RAP1GAP2: variants seen among roughly 807,000 people sequenced by gnomAD.
RAP1GAP2 encodes the protein RAP1 GTPase activating protein 2.
Under a neutral mutation model 95.0 loss-of-function variants are expected in RAP1GAP2, and 27 were observed. The observed-to-expected ratio is 0.28, with a 90% CI of 0.21 to 0.39. The LOEUF (loss-of-function observed/expected upper bound fraction) is 0.39. Among genes scored for constraint, RAP1GAP2 ranks in the 10% least tolerant of loss-of-function variants. The pLI, the probability that RAP1GAP2 is intolerant of heterozygous loss-of-function variation, is 1.00. For missense variants in RAP1GAP2, 771 were observed against 970.0 expected (o/e 0.79, Z 2.72); for synonymous variants, 373 against 380.9 (o/e 0.98, Z 0.24).
intron 4 of RAP1GAP2, among the ~76,000 whole-genome samples, chr17:2,959,164 C>T (rs2044222621): frequency 6.6e-6 from 1 of 152,150 alleles, no homozygotes; most frequent in African/African-American, 2.4e-5. Flanking sequence ...CCGGTTGCTC[C>T]TCAGATCCTC....
intron 2 of RAP1GAP2, among the ~76,000 whole-genome samples, chr17:2,813,159 C>T (rs541061009): frequency 6.6e-6 from 1 of 151,528 alleles, no homozygotes; most frequent in South Asian, 2.1e-4. Flanking sequence ...GCAACCTCCG[C>T]CTCCCAGGTT....
intron 2 of RAP1GAP2, among the ~76,000 whole-genome samples, chr17:2,859,926 A>C (rs1597454630): frequency 6.9e-6 from 1 of 144,556 alleles, no homozygotes; most frequent in African/African-American, 2.5e-5. Context: ...TTTGTTGTTG[A>C]TTGTTTGTTT....
At position 2,847,403 on chromosome 17, in the gene RAP1GAP2, AC is replaced by A. The variant is rs1426384561; in HGVS notation, c.80+46854del. Among the ~76,000 whole-genome samples, 11 of 151,008 alleles carry A rather than the reference AC, an allele frequency of 7.3e-5. No homozygotes were observed. The Admixed American group carries it at 7.4e-4, about 10-fold the overall frequency. On this transcript the variant is annotated intron_variant, in intron 2 of 24. Coordinates refer to ENST00000254695, the MANE Select transcript of RAP1GAP2 (RefSeq NM_015085.5). ...TAACTAACAGCAAGCAAGGAAGCAAACAAAAAGTCTTGCTACCCAAAGCCCT... is the reference window on the plus strand; with the variant it reads ...TAACTAACAGCAAGCAAGGAAGCAAAAAAAAGTCTTGCTACCCAAAGCCCT...
chr17:2,757,708 C>T (rs538500074), intron 1 of RAP1GAP2, among the ~76,000 whole-genome samples: 2 of 152,082 alleles, frequency 1.3e-5, no homozygotes, highest in African/African-American at 2.4e-5. Flanking sequence ...AGTAGGACCA[C>T]CCCAGCACCC....
chr17:2,785,895 A>AT (rs1469518292), intron 1 of RAP1GAP2, among the ~76,000 whole-genome samples: 1 of 118,530 alleles, frequency 8.4e-6, no homozygotes, highest in African/African-American at 3.2e-5. Context: ...AGTAAAAAGT[A>AT]TGACTTTTTT....
chr17:2,991,464 T>C, intron 12 of RAP1GAP2, 67 bp downstream of exon 12: 2 of 1,247,756 alleles, frequency 1.6e-6, no homozygotes, highest in Non-Finnish European at 2.3e-6. Flanking sequence ...GCAAGACAGC[T>C]CAGTCCTCAG....
intron 3 of RAP1GAP2, among the ~76,000 whole-genome samples, chr17:2,924,341 A>G (rs1185521378): frequency 6.6e-6 from 1 of 152,146 alleles, no homozygotes; most frequent in Non-Finnish European, 1.5e-5. Flanking sequence ...AGCAGAGCCC[A>G]TCCCGGGAGC....
chr17:3,026,517 A>C, intron 21 of RAP1GAP2, 53 bp downstream of exon 21: 1 of 1,365,704 alleles, frequency 7.3e-7, no homozygotes, highest in Non-Finnish European at 1.0e-6. Flanking sequence ...TCAGCCAGCC[A>C]CCCTCCTTGC....
At chr17:2,791,426 A>G (rs1269521778) in intron 1 of RAP1GAP2, among the ~76,000 whole-genome samples, 1 of 152,050 alleles carries the variant, frequency 6.6e-6, no homozygotes, top group Non-Finnish European at 1.5e-5. Context: ...TGCTCTTTCC[A>G]TCTTCATTAT....
At chr17:2,758,014 T>A (rs7215621) in intron 1 of RAP1GAP2, among the ~76,000 whole-genome samples, 2 of 151,746 alleles carry the variant, frequency 1.3e-5, no homozygotes, top group African/African-American at 4.8e-5. Flanking sequence ...GGACTACAGG[T>A]GCCCGCCACC....
At position 2,855,309 on chromosome 17, in the gene RAP1GAP2, C is replaced by T. The variant is rs2072086784; in HGVS notation, c.81-49975C>T. 6.6e-6 allele frequency among the ~76,000 whole-genome samples: 1 copy of T among 152,230 alleles called. No homozygotes were observed. Among genetic ancestry groups the T allele is most frequent in the Admixed American group, 6.5e-5 (1 of 15,282 alleles). ...AGAAAGTTCTTCCCTTTTCAGTTCT[C>T]TGCGAATCCTTGTGATTTCTTTGAG... On this transcript the variant is annotated intron_variant, in intron 2 of 24. Transcript: ENST00000254695. This position sits in a 1 kb window ranked among gnomAD's most constrained non-coding sequence, Gnocchi z 4.3.
chr17:2,998,130 G>C, intron 13 of RAP1GAP2, 91 bp from the exon 14 acceptor site: 2 of 1,374,868 alleles, frequency 1.5e-6, no homozygotes, highest in Non-Finnish European at 2.0e-6. Context: ...CAGTTTTCCT[G>C]TGTGCAAAGG....
intron 3 of RAP1GAP2, among the ~76,000 whole-genome samples, chr17:2,929,322 G>T (rs2043065958): frequency 2.0e-5 from 3 of 152,210 alleles, no homozygotes; most frequent in Admixed American, 2.0e-4. Flanking sequence ...AGGGGGCAGG[G>T]CCTGTGGAGG....
intron 16 of RAP1GAP2, among the ~76,000 whole-genome samples, chr17:3,007,296 G>A (rs532417424): frequency 6.6e-6 from 1 of 152,266 alleles, no homozygotes; most frequent in East Asian, 1.9e-4. Context: ...TATGCCAGAG[G>A]GATTGCTCTG....
chr17:3,030,210 C>T (rs543918424), intron 22 of RAP1GAP2, among the ~76,000 whole-genome samples: 219 of 121,718 alleles, frequency 1.8e-3, no homozygotes, highest in South Asian at 7.4e-3. Context: ...ACTCTCATGG[C>T]GCCCGGCCAT....
At chr17:2,969,095 G>T (rs1371382831) in intron 8 of RAP1GAP2, among the ~76,000 whole-genome samples, 4 of 151,766 alleles carry the variant, frequency 2.6e-5, no homozygotes, top group African/African-American at 9.7e-5. Context: ...CACATCACTT[G>T]ACATATCAAT....
chr17:2,897,869 C>T (rs1474258744), intron 2 of RAP1GAP2, among the ~76,000 whole-genome samples: 1 of 151,568 alleles, frequency 6.6e-6, no homozygotes, highest in Non-Finnish European at 1.5e-5. Flanking sequence ...CATCCGTGAA[C>T]CCTGGGATTG....
rs910322090 is a variant in RAP1GAP2, at chr17:2,963,487, C to T, written c.279+25C>T. 30 of 1,613,618 alleles carry T rather than the reference C, an allele frequency of 1.9e-5. No homozygotes were observed. The highest frequency in any genetic ancestry group is 2.4e-5 in the Non-Finnish European group (28 of 1,179,710). On this transcript the variant is annotated intron_variant, in intron 6 of 24. Transcript: ENST00000254695. The surrounding 1 kb of genome is among the most constrained non-coding windows in gnomAD (Gnocchi z 4.8). ...GGTAGGTGCCCTCCCCTCACTCCCA[C>T]CTGCCCTGCAGCCTGCTCTGGGTCC...
chr17:2,904,335 C>T lies in RAP1GAP2; in HGVS notation c.81-949C>T, dbSNP rs372727258. On this transcript the variant is annotated intron_variant, in intron 2 of 24. Coordinates refer to ENST00000254695, the MANE Select transcript of RAP1GAP2 (RefSeq NM_015085.5). This position sits in a 1 kb window ranked among gnomAD's most constrained non-coding sequence, Gnocchi z 4.7. ...TGATGGGACCGCACACAGCACTCCC[C>T]GGTCACCAGCGAGGGCCAGATGGAA... 7.2e-5 allele frequency among the ~76,000 whole-genome samples: 11 copies of T among 152,116 alleles called. No individual in the cohort carries two copies. Among genetic ancestry groups the T allele is most frequent in the African/African-American group, 1.9e-4 (8 of 41,430 alleles).
Sources: allele counts gnomAD v4.1 joint callset (sites outside exome capture counted in the v4.1 genomes callset), GRCh38; gene constraint gnomAD v4.1.1; non-coding constraint Gnocchi (gnomAD v3.1); transcripts MANE v1.5; gene names NCBI Gene and HGNC (gene_info 2026-07-23, HGNC 2026-07-21).